RB1CC1: variants seen among roughly 807,000 people sequenced by gnomAD.
RB1CC1 encodes RB1-inducible coiled-coil protein 1.
In RB1CC1, 46 loss-of-function variants were observed where a neutral mutation model predicts 177.5. That is an observed-to-expected ratio of 0.26 (90% confidence interval 0.20 to 0.33). The LOEUF (loss-of-function observed/expected upper bound fraction) is 0.33. RB1CC1 is among the 10% of genes least tolerant of loss of function. The pLI, the probability that RB1CC1 is intolerant of heterozygous loss-of-function variation, is 1.00. For missense variants in RB1CC1, 1,703 were observed against 1,816.3 expected (o/e 0.94, Z 1.13); for synonymous variants, 666 against 613.6 (o/e 1.09, Z -1.26).
At chr8:52,704,472 A>AC (rs375374201) in intron 1 of RB1CC1, among the ~76,000 whole-genome samples, 85,093 of 139,764 alleles carry the variant, frequency 0.61, 27,046 homozygotes, top group Non-Finnish European at 0.71. Flanking sequence ...AAAAAAAAAA[A>AC]AACACAAAAG....
chr8:52,654,167 T>A (rs11997531), intron 15 of RB1CC1, among the ~76,000 whole-genome samples: 43 of 152,226 alleles, frequency 2.8e-4, no homozygotes, highest in African/African-American at 9.4e-4. Context: ...AGTGTCTTTA[T>A]TTGGAAGCTC....
intron 1 of RB1CC1, among the ~76,000 whole-genome samples, chr8:52,688,672 T>C (rs1854516920): frequency 6.6e-6 from 1 of 152,202 alleles, no homozygotes; most frequent in Admixed American, 6.5e-5. Context: ...AGACTCTTAT[T>C]AGTTCTGCTT....
chr8:52,682,039 T>G lies in RB1CC1; in HGVS notation c.369+1510A>C, dbSNP rs558116430. On this transcript the variant is annotated intron_variant, in intron 5 of 23. Transcript: ENST00000025008. ...CAGAATGGAAGACCCACCAACAGCT[T>G]GCACTGTGCACCTGGAAAAGCCACA... Among the ~76,000 whole-genome samples the G allele has an allele frequency of 1.4e-3, 207 of 152,164 alleles. 1 individual carries two copies. The highest frequency in any genetic ancestry group is 6.5e-4 in the Non-Finnish European group (44 of 67,994).
chr8:52,704,472 A>AAAAAAAAAAAAAAAAAAC (rs1563473562), intron 1 of RB1CC1, among the ~76,000 whole-genome samples: 1 of 139,760 alleles, frequency 7.2e-6, no homozygotes, highest in Non-Finnish European at 1.5e-5. Context: ...AAAAAAAAAA[A>AAAAAAAAAAAAAAAAAAC]AACACAAAAG....
intron 1 of RB1CC1, among the ~76,000 whole-genome samples, chr8:52,699,858 T>TATATATATATATATATAC (rs756226534): frequency 4.1e-4 from 42 of 102,732 alleles, no homozygotes; most frequent in East Asian, 3.9e-3. Context: ...TATATATATA[T>TATATATATATATATATAC]ACACACAAAA....
chr8:52,703,875 C>T (rs184701516), intron 1 of RB1CC1, among the ~76,000 whole-genome samples: 6 of 151,128 alleles, frequency 4.0e-5, no homozygotes, highest in African/African-American at 1.5e-4. Context: ...ATAAGGACTA[C>T]GGCAACCAAA....
In RB1CC1 at chr8:52,656,937, C is replaced by G; in HGVS notation, c.2892G>C (p.Lys964Asn). The G allele has an allele frequency of 6.2e-7, 1 of 1,613,314 alleles. No individual in the cohort carries two copies. Reference sequence around the variant, plus strand: ...ACTTCTCATCATTTTCAACATGGAGCTTTTTTAAGTCTTCTAACACTATTT... The same window carrying G: ...ACTTCTCATCATTTTCAACATGGAGGTTTTTTAAGTCTTCTAACACTATTT... ...SREIVLEDLK[K>N]LHVENDEKLQ... The change falls in exon 15 of 24, where the codon AAG (lysine) becomes AAC (asparagine). Residue 964 changes from lysine (K) to asparagine (N), a missense_variant. Physicochemically the swap from Lys to Asn is moderately conservative, Grantham distance 94. Transcript: ENST00000025008.
At chr8:52,687,105 T>TA in intron 1 of RB1CC1, 138 bp from the exon 2 acceptor site, 1 of 354,156 alleles carries the variant, frequency 2.8e-6, no homozygotes, top group Non-Finnish European at 5.5e-6. Flanking sequence ...ACATTCACTA[T>TA]AATAACAACC....
intron 18 of RB1CC1, among the ~76,000 whole-genome samples, chr8:52,637,506 A>G (rs1359119926): frequency 6.6e-6 from 1 of 152,008 alleles, no homozygotes; most frequent in Non-Finnish European, 1.5e-5. Flanking sequence ...GCCAGCTCCA[A>G]TTGATTTTTG....
intron 15 of RB1CC1, among the ~76,000 whole-genome samples, chr8:52,649,266 T>C (rs1850342476): frequency 6.6e-6 from 1 of 152,166 alleles, no homozygotes; most frequent in Non-Finnish European, 1.5e-5. Context: ...TAAAGAGGCC[T>C]GGACATTGAA....
At chr8:52,629,077 TG>T (rs1848586064) in intron 21 of RB1CC1, among the ~76,000 whole-genome samples, 1 of 152,146 alleles carries the variant, frequency 6.6e-6, no homozygotes, top group African/African-American at 2.4e-5. Flanking sequence ...AGAACATTAA[TG>T]AACGGCCCAT....
At chr8:52,707,228 T>C (rs780941665) in intron 1 of RB1CC1, among the ~76,000 whole-genome samples, 1 of 152,178 alleles carries the variant, frequency 6.6e-6, no homozygotes, top group Non-Finnish European at 1.5e-5. Flanking sequence ...CTAATCCAGA[T>C]CTCTGTTCTG....
At chr8:52,709,668 G>A (rs187473731) in intron 1 of RB1CC1, among the ~76,000 whole-genome samples, 210 of 152,342 alleles carry the variant, frequency 1.4e-3, no homozygotes, top group South Asian at 3.7e-3. Context: ...AGCCCACGAG[G>A]CAGTGGTTGT....
In RB1CC1 at chr8:52,684,155, G is replaced by A. The variant is rs866913825; in HGVS notation, c.72-142C>T. ...CCCAAAAACAGTAATAAAAATATAA[G>A]CTTCCTATTTAATGAACAGGATTCC... On this transcript the variant is annotated intron_variant, in intron 3 of 23. Transcript: ENST00000025008. 42 of 992,230 alleles carry A rather than the reference G, an allele frequency of 4.2e-5. No individual in the cohort carries two copies. The African/African-American group carries it at 6.1e-4, about 14-fold the overall frequency. The allele number at this position is 992,230 out of a possible 1,614,324, so 61.5% of individuals were successfully genotyped here.
intron 16 of RB1CC1, among the ~76,000 whole-genome samples, chr8:52,644,043 T>C (rs1380023913): frequency 6.6e-6 from 1 of 152,122 alleles, no homozygotes; most frequent in Non-Finnish European, 1.5e-5. Flanking sequence ...ATGTATTTTA[T>C]TTATATATAG....
chr8:52,641,986 C>G (rs1849627597), intron 18 of RB1CC1, among the ~76,000 whole-genome samples: 1 of 151,766 alleles, frequency 6.6e-6, no homozygotes, highest in Non-Finnish European at 1.5e-5. Context: ...AATAAAAAAC[C>G]CTTCCCTGCT....
intron 15 of RB1CC1, among the ~76,000 whole-genome samples, chr8:52,647,321 G>T (rs933362196): frequency 6.6e-6 from 1 of 152,108 alleles, no homozygotes; most frequent in Non-Finnish European, 1.5e-5. Context: ...TCCCAGAAAG[G>T]CTGGAATAGG....
intron 9 of RB1CC1, 42 bp from the exon 10 acceptor site, chr8:52,661,323 G>T: frequency 6.3e-7 from 1 of 1,595,578 alleles, no homozygotes; most frequent in Non-Finnish European, 8.5e-7. Context: ...CACAAAACTG[G>T]TACTAACTTA....
intron 18 of RB1CC1, among the ~76,000 whole-genome samples, chr8:52,638,408 T>C (rs1182352847): frequency 2.0e-5 from 3 of 152,202 alleles, no homozygotes; most frequent in Admixed American, 6.5e-5. Context: ...TCAATAGTTA[T>C]AGAAGATGTA....
Sources: gnomAD v4.1 joint callset for allele counts (sites outside exome capture counted in the v4.1 genomes callset) on GRCh38, gnomAD v4.1.1 for gene constraint, MANE v1.5 for transcripts, NCBI Gene and HGNC (gene_info 2026-07-23, HGNC 2026-07-21) for gene names.